The following KIF7 variants were observed in gnomAD, a reference collection of about 807,000 sequenced individuals.
The protein encoded by KIF7 is kinesin family member 7.
Under a neutral mutation model 135.7 loss-of-function variants are expected in KIF7, and 104 were observed. The ratio of observed to expected loss-of-function variants is 0.77; its 90% CI spans 0.65 to 0.90. The LOEUF (loss-of-function observed/expected upper bound fraction) is 0.90, where lower values mean the gene tolerates loss of function less well. Ranked by LOEUF, KIF7 falls within the 40% of genes least tolerant of loss-of-function variation. The probability of loss-of-function intolerance (pLI) is 0.00; values close to 1 mark genes in which losing one functional copy is unlikely to be tolerated. For synonymous variants in KIF7, 883 were observed against 809.4 expected (o/e 1.09, Z -1.54); for missense variants, 2,005 against 1,839.1 (o/e 1.09, Z -1.65).
At chr15:89,623,973 A>AAGCCCCTCCTGTCC (rs1442289924), downstream of KIF7, 1 of 1,613,964 alleles carries the variant, frequency 6.2e-7, no homozygotes, top group Non-Finnish European at 8.5e-7. Flanking sequence ...CCAGTCCAGA[A>AAGCCCCTCCTGTCC]AGCCCCTCCT....
chr15:89,619,805 T>C (rs763247819), intron 1 of KIF7: 4 of 1,613,738 alleles, frequency 2.5e-6, no homozygotes, highest in Non-Finnish European at 3.4e-6. Context: ...AGTCTCGAAG[T>C]GTGCAAAGAG....
the KIF7 span, among the ~76,000 whole-genome samples, chr15:89,661,345 G>A: frequency 6.6e-6 from 1 of 152,148 alleles, no homozygotes; most frequent in African/African-American, 2.4e-5. Context: ...CTCAAGGCAT[G>A]CAAAACTCAA....
At position 89,645,335 on chromosome 15, in the gene KIF7, CCTCTGGA is replaced by C. The variant is rs765351348; in HGVS notation, c.2032_2038del (p.Ser678GlnfsTer40). The C allele has an allele frequency of 6.2e-7, 1 of 1,613,846 alleles. No homozygotes were observed. Among genetic ancestry groups the C allele is most frequent in the Admixed American group, 1.7e-5 (1 of 60,020 alleles). The stretch of plus-strand genomic sequence containing the variant: ...CCCTCTCTGCATCCCACCCAGCTTA[CCTCTGGA>C]CCCTGGAATGGCTGCATCCAACTCC... On this transcript the variant is annotated frameshift_variant and splice_region_variant, in exon 9 of 19. Transcript: ENST00000394412. LOFTEE classifies it high-confidence loss of function.
At chr15:89,634,945 G>A (rs948649612) in intron 11 of KIF7, among the ~76,000 whole-genome samples, 1 of 152,244 alleles carries the variant, frequency 6.6e-6, no homozygotes, top group East Asian at 1.9e-4. Flanking sequence ...GCTTTGAAGA[G>A]AGCAGGGGTT....
rs1366514608 is a variant in KIF7 at position 89,630,376 on chromosome 15, G to A, written c.3229C>T (p.Leu1077=). The A allele has an allele frequency of 6.2e-7, 1 of 1,614,094 alleles. No individual in the cohort carries two copies. The highest frequency in any genetic ancestry group is 8.5e-7 in the Non-Finnish European group (1 of 1,179,984). Residue 1077 remains leucine (L), a synonymous_variant, in exon 16 of 19, where the codon CTG becomes TTG. Transcript: ENST00000394412. ...ATGAGGTTCATCTCGCACTGGGACAGCAACGAGGCTGAGGCCCGAAGCACC... is the reference window on the plus strand; with the variant it reads ...ATGAGGTTCATCTCGCACTGGGACAACAACGAGGCTGAGGCCCGAAGCACC... ...QRVLRASASL[L]SQCEMNLMAK... is the part of the protein sequence containing the mutation.
intron 12 of KIF7, 46 bp from the exon 13 acceptor site, chr15:89,633,312 CT>C: frequency 6.5e-7 from 1 of 1,538,152 alleles, no homozygotes; most frequent in African/African-American, 1.4e-5. Context: ...GTGCCAGCAT[CT>C]TACCAGAGCC....
At chr15:89,650,152 AC>A (rs1229473957) in intron 2 of KIF7, 23 of 583,706 alleles carry the variant, frequency 3.9e-5, no homozygotes, top group Non-Finnish European at 1.8e-5. Flanking sequence ...GTTGGAAGCA[AC>A]CTCTCCTGAT....
intron 2 of KIF7, 37 bp from the exon 3 acceptor site, chr15:89,649,978 T>G: frequency 1.9e-6 from 3 of 1,541,868 alleles, no homozygotes; most frequent in Non-Finnish European, 2.6e-6. Context: ...CCACTTCAGC[T>G]GGACACGGCC....
At chr15:89,653,097 T>A in intron 1 of KIF7, 143 bp from the exon 2 acceptor site, 1 of 630,446 alleles carries the variant, frequency 1.6e-6, no homozygotes, top group Non-Finnish European at 2.6e-6. Flanking sequence ...AATATCCCCA[T>A]GTCCAACCTG....
At position 89,645,410 on chromosome 15, in the gene KIF7, G is replaced by A. The variant is rs773135230; in HGVS notation, c.1964C>T (p.Pro655Leu). The A allele has an allele frequency of 8.1e-6, 13 of 1,613,922 alleles. No homozygotes were observed. Among genetic ancestry groups the A allele is most frequent in the Non-Finnish European group, 1.1e-5 (13 of 1,179,936 alleles). The stretch of plus-strand genomic sequence containing the variant: ...GCCCTTCCTCTCTGGCAGACTCCCT[G>A]GGCGTGCCCCCGCCCTCTGACTGCA... The part of the protein sequence containing the change: ...SNCSQRAGAR[P>L]GSLPERKGPE... Residue 655 changes from proline (P) to leucine (L), a missense_variant, in exon 9 of 19, where the codon CCA becomes CTA. Pro to Leu is a moderately conservative substitution (Grantham distance 98). Transcript: ENST00000394412.
downstream of KIF7, among the ~76,000 whole-genome samples, chr15:89,623,074 G>A (rs557172459): frequency 2.0e-5 from 3 of 152,334 alleles, no homozygotes; most frequent in African/African-American, 7.2e-5. Flanking sequence ...TTTTCACTAC[G>A]TATTTTTGCA....
chr15:89,617,755 G>A (rs1003311975), intron 2 of KIF7, among the ~76,000 whole-genome samples: 6 of 148,594 alleles, frequency 4.0e-5, no homozygotes, highest in Middle Eastern at 3.2e-3. Context: ...GCAGTGGCGC[G>A]ATCCTGGCTC....
chr15:89,655,122 C>A (rs148255731), intron 1 of KIF7, among the ~76,000 whole-genome samples: 1 of 152,220 alleles, frequency 6.6e-6, no homozygotes, highest in African/African-American at 2.4e-5. Flanking sequence ...GATTACAAAT[C>A]GGGACCCGAC....
downstream of KIF7, chr15:89,624,087 C>G (rs147300817): frequency 6.2e-7 from 1 of 1,613,792 alleles, no homozygotes; most frequent in Non-Finnish European, 8.5e-7. Context: ...CCTTCATGGG[C>G]ACGCCTCAGA....
rs759021362 is a variant in KIF7 at position 89,628,719 on chromosome 15, C to T, written c.3732G>A (p.Leu1244=). Residue 1244 remains leucine, a synonymous_variant, in exon 19 of 19, where the codon CTG becomes CTA. Coordinates refer to ENST00000394412, the MANE Select transcript of KIF7 (RefSeq NM_198525.3). ...GGGACAGCCAGAGAAGCTCGGGTGC[C>T]AGGTGGAGCTCATCTTCATTTCCAG... ...QAPGNEDELH[L]APELLWLSPL... is the part of the protein sequence containing the mutation. 19 of 1,613,040 alleles carry T rather than the reference C, an allele frequency of 1.2e-5. No individual in the cohort carries two copies. Among genetic ancestry groups the T allele is most frequent in the Non-Finnish European group, 1.6e-5 (19 of 1,179,938 alleles).
intron 1 of KIF7, among the ~76,000 whole-genome samples, chr15:89,654,037 T>A (rs1964167456): frequency 1.3e-5 from 2 of 152,080 alleles, no homozygotes; most frequent in African/African-American, 4.8e-5. Flanking sequence ...TGAGACGGAG[T>A]CTTGCTCTGT....
intron 11 of KIF7, among the ~76,000 whole-genome samples, chr15:89,636,936 TCTC>T (rs1963821020): frequency 7.5e-6 from 1 of 133,608 alleles, no homozygotes; most frequent in African/African-American, 2.9e-5. Flanking sequence ...GAAGTAAAGC[TCTC>T]CTCAGCAAAT....
Position 89,633,780 on chromosome 15 carries a change from T to C in KIF7, c.2498A>G (p.Gln833Arg), listed in dbSNP as rs777880634. The C allele has an allele frequency of 2.5e-6, 4 of 1,611,764 alleles. No homozygotes were observed. Among genetic ancestry groups the C allele is most frequent in the Admixed American group, 1.7e-5 (1 of 60,028 alleles). The change falls in exon 12 of 19, where the codon CAG (glutamine) becomes CGG (arginine). Residue 833 changes from glutamine (Q) to arginine (R), a missense_variant. Transcript: ENST00000394412. ...ELERNVQLMR[Q>R]QQGQLQRRLR... ...CCGCCTCTGCAGCTGTCCCTGCTGC[T>C]GCCGCATGAGCTGCACGTTCCGCTC...
At chr15:89,618,137 A>G in exon 2 of KIF7, 2 of 1,613,798 alleles carry the variant, frequency 1.2e-6, no homozygotes, top group Non-Finnish European at 1.7e-6. Flanking sequence ...ATCCTTGTGC[A>G]TGTGGTTCCT....
Sources: allele counts gnomAD v4.1 joint callset (sites outside exome capture counted in the v4.1 genomes callset), GRCh38; gene constraint gnomAD v4.1.1; transcripts MANE v1.5; gene names NCBI Gene and HGNC (gene_info 2026-07-23, HGNC 2026-07-21).